ZNF385D: variants seen among roughly 807,000 people sequenced by gnomAD.
ZNF385D encodes the protein zinc finger protein 385D, also known as zinc finger protein 659.
In ZNF385D, 15 loss-of-function variants were observed where a neutral mutation model predicts 35.8. The observed-to-expected ratio is 0.42, with a 90% confidence interval of 0.28 to 0.64. ZNF385D has a LOEUF of 0.64. Ranked by LOEUF, ZNF385D falls within the 30% of genes least tolerant of loss-of-function variation. The pLI is 0.23. For synonymous variants in ZNF385D, 212 were observed against 186.8 expected (o/e 1.13, Z -1.10); for missense variants, 474 against 494.6 (o/e 0.96, Z 0.39).
chr3:21,853,507 CTTTTT>C (rs753500007), intron 3 of ZNF385D, among the ~76,000 whole-genome samples: 2 of 45,268 alleles, frequency 4.4e-5, no homozygotes, highest in African/African-American at 6.4e-5. Flanking sequence ...AATTGCAGTC[CTTTTT>C]TTTTTTTTTT....
At chr3:21,689,091 A>G (rs2067198666) in intron 1 of ZNF385D, among the ~76,000 whole-genome samples, 1 of 151,694 alleles carries the variant, frequency 6.6e-6, no homozygotes, top group Non-Finnish European at 1.5e-5. Context: ...CTGATGTAAA[A>G]AGATTTAGAA....
chr3:22,167,337 C>T (rs1478530184), intron 3 of ZNF385D, among the ~76,000 whole-genome samples: 2 of 152,194 alleles, frequency 1.3e-5, no homozygotes, highest in African/African-American at 2.4e-5. Flanking sequence ...CATGTACTCT[C>T]CTATTCTGAG....
chr3:21,797,073 G>T (rs1609975), intron 3 of ZNF385D, among the ~76,000 whole-genome samples: 4 of 152,036 alleles, frequency 2.6e-5, no homozygotes, highest in African/African-American at 7.2e-5. Context: ...AAGTCAAGAC[G>T]TATTTGCAAA....
At chr3:22,092,336 A>G (rs1163576230) in intron 3 of ZNF385D, among the ~76,000 whole-genome samples, 2 of 152,136 alleles carry the variant, frequency 1.3e-5, no homozygotes, top group Non-Finnish European at 2.9e-5. Context: ...GGCTCCTACA[A>G]CACAGCTTGT....
In ZNF385D at chr3:21,421,034, T is replaced by TTCCCCCCCCCCCCCCCCCAAA; in HGVS notation, c.*179_*180insTTTGGGGGGGGGGGGGGGGGA. On this transcript the variant is annotated 3_prime_UTR_variant, in exon 8 of 8. Coordinates refer to ENST00000281523, the MANE Select transcript of ZNF385D (RefSeq NM_024697.3). ...TGCTTTAATTTGGAGAAAATACCAC[T>TTCCCCCCCCCCCCCCCCCAAA]CCCTCCCTCCCACCCCCAAACCTCC... 6.0e-6 allele frequency: 1 copy of TTCCCCCCCCCCCCCCCCCAAA among 167,808 alleles called. No individual in the cohort carries two copies. Among genetic ancestry groups the TTCCCCCCCCCCCCCCCCCAAA allele is most frequent in the Non-Finnish European group, 1.2e-5 (1 of 84,656 alleles). 10.4% of individuals were successfully genotyped at this position (167,808 alleles called of 1,614,324 possible). A position where few individuals can be genotyped will look rare whatever the true frequency, so the allele number is the denominator to read the frequency against.
chr3:22,275,131 G>A (rs1368611019), intron 2 of ZNF385D, among the ~76,000 whole-genome samples: 1 of 152,118 alleles, frequency 6.6e-6, no homozygotes, highest in African/African-American at 2.4e-5. Flanking sequence ...CTTCAACTAT[G>A]TTAGGAAGAG....
chr3:22,060,552 T>C (rs780441244), intron 3 of ZNF385D, among the ~76,000 whole-genome samples: 1 of 152,172 alleles, frequency 6.6e-6, no homozygotes, highest in Non-Finnish European at 1.5e-5. Context: ...TTTTTAGAAA[T>C]TGAAAATGCA....
chr3:21,658,518 C>G (rs565376651), intron 2 of ZNF385D, among the ~76,000 whole-genome samples: 1 of 152,004 alleles, frequency 6.6e-6, no homozygotes, highest in African/African-American at 2.4e-5. Context: ...ATGGCTATTT[C>G]TCTTCTATCA....
chr3:21,916,101 T>C (rs1022938796), intron 3 of ZNF385D, among the ~76,000 whole-genome samples: 4 of 152,152 alleles, frequency 2.6e-5, no homozygotes, highest in African/African-American at 4.8e-5. Flanking sequence ...TTCATGAATA[T>C]TGAAGGTATA....
chr3:21,592,985 C>G (rs1049892028), intron 2 of ZNF385D, among the ~76,000 whole-genome samples: 1 of 152,158 alleles, frequency 6.6e-6, no homozygotes, highest in Non-Finnish European at 1.5e-5. Flanking sequence ...AGCTTCTGAC[C>G]GACTTGGAAA....
chr3:22,056,313 A>G lies in ZNF385D; in HGVS notation c.325+112504T>C, dbSNP rs534533499. 1.8e-4 allele frequency among the ~76,000 whole-genome samples: 26 copies of G among 147,842 alleles called. 1 individual carries two copies. The highest frequency in any genetic ancestry group is 4.3e-4 in the South Asian group (2 of 4,686). ...AAAAAAAAAAAAAAAAAAAAATTCA[A>G]TGTGATACAGATACCTAGAGAGTAC... On this transcript the variant is annotated intron_variant, in intron 3 of 5. Coordinates refer to the ZNF385D transcript ENST00000494108.
chr3:22,113,445 C>T (rs1576342600), intron 3 of ZNF385D, among the ~76,000 whole-genome samples: 1 of 151,934 alleles, frequency 6.6e-6, no homozygotes, highest in East Asian at 1.9e-4. Flanking sequence ...AGAACTATAC[C>T]TTGGTTCAAA....
At chr3:21,510,452 G>T (rs184429846) in intron 4 of ZNF385D, among the ~76,000 whole-genome samples, 42 of 152,052 alleles carry the variant, frequency 2.8e-4, no homozygotes, top group Non-Finnish European at 5.1e-4. Context: ...CCCTTATTGG[G>T]GCCTTCTCAA....
rs912491375 is a variant in ZNF385D, at chr3:21,952,235, G to T, written c.325+216582C>A. Among the ~76,000 whole-genome samples, 35 of 151,886 alleles carry T rather than the reference G, an allele frequency of 2.3e-4. 1 individual carries two copies. The highest frequency in any genetic ancestry group is 2.3e-3 in the Admixed American group (35 of 15,226). ...GTAGGATACTCTGATTTTTCTCACT[G>T]ATCTGTATTTCCTTGCCTGGCATCT... is the stretch of plus-strand genomic sequence containing the variant. On this transcript the variant is annotated intron_variant, in intron 3 of 5. Transcript: ENST00000494108.
intron 3 of ZNF385D, among the ~76,000 whole-genome samples, chr3:21,902,989 C>A (rs1001166532): frequency 2.0e-5 from 3 of 152,218 alleles, no homozygotes; most frequent in Middle Eastern, 3.4e-3. Flanking sequence ...ATCTTTGAGA[C>A]CACAACTCAA....
At chr3:22,032,230 T>C (rs1363213883) in intron 3 of ZNF385D, among the ~76,000 whole-genome samples, 1 of 152,222 alleles carries the variant, frequency 6.6e-6, no homozygotes, top group Non-Finnish European at 1.5e-5. Context: ...CTCTGCCAGT[T>C]ACCCAGATCC....
chr3:21,647,113 CATT>C (rs1275805539), intron 2 of ZNF385D, among the ~76,000 whole-genome samples: 1 of 152,136 alleles, frequency 6.6e-6, no homozygotes, highest in Admixed American at 6.6e-5. Flanking sequence ...CAGAGTAACT[CATT>C]ATGCAAATTC....
chr3:22,257,717 T>G (rs1009932003), intron 2 of ZNF385D, among the ~76,000 whole-genome samples: 2 of 151,962 alleles, frequency 1.3e-5, no homozygotes, highest in Non-Finnish European at 2.9e-5. Flanking sequence ...TTCATCCTTT[T>G]AACTCATACT....
intron 3 of ZNF385D, among the ~76,000 whole-genome samples, chr3:22,112,894 A>G (rs1702611205): frequency 6.6e-6 from 1 of 152,174 alleles, no homozygotes; most frequent in Non-Finnish European, 1.5e-5. Context: ...ACTTCAGTAA[A>G]TCCAGAGATG....
Sources: allele counts gnomAD v4.1 joint callset (sites outside exome capture counted in the v4.1 genomes callset), GRCh38; gene constraint gnomAD v4.1.1; transcripts MANE v1.5; gene names NCBI Gene and HGNC (gene_info 2026-07-23, HGNC 2026-07-21).